NR1I2: variants seen among roughly 807,000 people sequenced by gnomAD.
The protein encoded by NR1I2 is nuclear receptor subfamily 1 group I member 2, also known as orphan nuclear receptor PAR1.
In NR1I2, 42 loss-of-function variants were observed where a neutral mutation model predicts 43.3. The ratio of observed to expected loss-of-function variants is 0.97; its 90% CI spans 0.76 to 1.26. The LOEUF (loss-of-function observed/expected upper bound fraction) is 1.26. Ranked by LOEUF, NR1I2 falls within the 50% of genes most tolerant of loss-of-function variation. NR1I2 has a pLI of 0.00. For synonymous variants in NR1I2, 229 were observed against 215.0 expected (o/e 1.06, Z -0.57); for missense variants, 559 against 566.7 (o/e 0.99, Z 0.14).
intron 5 of NR1I2, among the ~76,000 whole-genome samples, chr3:119,813,727 A>G (rs867669797): frequency 6.6e-6 from 1 of 152,104 alleles, no homozygotes; most frequent in Non-Finnish European, 1.5e-5. Context: ...TAATGGGGTG[A>G]TGCTGACAGC....
At chr3:119,799,524 A>T (rs2055047272) in intron 1 of NR1I2, among the ~76,000 whole-genome samples, 1 of 152,148 alleles carries the variant, frequency 6.6e-6, no homozygotes, top group Non-Finnish European at 1.5e-5. Flanking sequence ...AACATTTTCA[A>T]TTTCAATGAA....
intron 3 of NR1I2, 199 bp from the exon 4 acceptor site, chr3:119,811,340 T>C (rs997189555): frequency 2.2e-5 from 13 of 590,750 alleles, no homozygotes; most frequent in African/African-American, 5.6e-5. Flanking sequence ...CCTCACCTCA[T>C]CTCTGTCCTC....
At chr3:119,796,445 T>C (rs2055000329) in intron 1 of NR1I2, among the ~76,000 whole-genome samples, 1 of 152,336 alleles carries the variant, frequency 6.6e-6, no homozygotes, top group Non-Finnish European at 1.5e-5. Context: ...TAATCCTCAA[T>C]GCTGCTTCGC....
intron 1 of NR1I2, among the ~76,000 whole-genome samples, chr3:119,785,227 G>A (rs1393386122): frequency 2.0e-5 from 3 of 152,178 alleles, no homozygotes; most frequent in Non-Finnish European, 4.4e-5. Context: ...AGGAATTCTT[G>A]TCATGTTCCT....
At chr3:119,798,781 C>T (rs369461112) in intron 1 of NR1I2, among the ~76,000 whole-genome samples, 2 of 152,256 alleles carry the variant, frequency 1.3e-5, no homozygotes, top group South Asian at 2.1e-4. Flanking sequence ...TTAATATAAG[C>T]GGAACTATAC....
chr3:119,798,632 T>C, intron 1 of NR1I2, among the ~76,000 whole-genome samples: 2 of 100,986 alleles, frequency 2.0e-5, no homozygotes, highest in African/African-American at 4.6e-5. Flanking sequence ...AAAGAGAGAC[T>C]CCGTCTCAAA....
chr3:119,797,203 T>TGTGCGC (rs1553717391), intron 1 of NR1I2, among the ~76,000 whole-genome samples: 1 of 151,700 alleles, frequency 6.6e-6, no homozygotes. Context: ...TGTGTGTGTG[T>TGTGCGC]GTGTGTGTGT....
chr3:119,797,132 C>G (rs2055011019), intron 1 of NR1I2, among the ~76,000 whole-genome samples: 1 of 151,714 alleles, frequency 6.6e-6, no homozygotes, highest in Non-Finnish European at 1.5e-5. Flanking sequence ...CCTCCCTTCT[C>G]CCTTTAATAG....
At chr3:119,807,551 G>T in intron 2 of NR1I2, 104 bp downstream of exon 2, 1 of 977,428 alleles carries the variant, frequency 1.0e-6, no homozygotes, top group Non-Finnish European at 1.6e-6. Flanking sequence ...GTGTGGGCTG[G>T]TGGCCCACCC....
chr3:119,791,935 T>C (rs2054924513), intron 1 of NR1I2: 3 of 663,630 alleles, frequency 4.5e-6, no homozygotes, highest in African/African-American at 1.8e-5. Context: ...ACTGTCATCT[T>C]TGACCGATTC....
At position 119,786,303 on chromosome 3, in the gene NR1I2, G is replaced by A. The variant is rs535444329; in HGVS notation, c.-23+4003G>A. 1.3e-4 allele frequency among the ~76,000 whole-genome samples: 20 copies of A among 152,318 alleles called. No homozygotes were observed. The South Asian group carries it at 3.9e-3, about 30-fold the overall frequency. ...CCTGGGCACAACCTGGGGAGGACAG[G>A]AGGAATGTGTAGGGAACCTCTCTTG... is the stretch of plus-strand genomic sequence containing the variant. On this transcript the variant is annotated intron_variant, in intron 1 of 8. Transcript: ENST00000393716.
chr3:119,784,617 A>G (rs927422756), intron 1 of NR1I2, among the ~76,000 whole-genome samples: 2 of 152,138 alleles, frequency 1.3e-5, no homozygotes, highest in Admixed American at 6.6e-5. Context: ...AGATTTCTCA[A>G]CTTCCAAAAT....
intron 1 of NR1I2, among the ~76,000 whole-genome samples, chr3:119,793,901 G>A (rs2054957076): frequency 6.6e-6 from 1 of 152,144 alleles, no homozygotes; most frequent in South Asian, 2.1e-4. Context: ...TGAATTCTGT[G>A]ATGTTGTTAC....
Position 119,795,106 on chromosome 3 carries a change from G to A in NR1I2, c.-22-12123G>A, listed in dbSNP as rs376532110. Among the ~76,000 whole-genome samples, 9 of 152,320 alleles carry A rather than the reference G, an allele frequency of 5.9e-5. No individual in the cohort carries two copies. The South Asian group carries it at 1.5e-3, about 25-fold the overall frequency. On this transcript the variant is annotated intron_variant, in intron 1 of 8. Coordinates refer to ENST00000393716, the MANE Select transcript of NR1I2 (RefSeq NM_003889.4). ...TCTTCCAAACACCACTAGCTGGGGA[G>A]TTGGCTCTTGGCTGGGGTTGGTCAG...
At chr3:119,803,715 C>T (rs1291344656) in intron 1 of NR1I2, among the ~76,000 whole-genome samples, 1 of 152,046 alleles carries the variant, frequency 6.6e-6, no homozygotes, top group Admixed American at 6.5e-5. Context: ...TAATCCTGAA[C>T]CTAAGATTGC....
Position 119,817,668 on chromosome 3 carries a change from C to T in NR1I2, c.*456C>T. The T allele has an allele frequency of 8.9e-7, 1 of 1,117,820 alleles. No homozygotes were observed. The highest frequency in any genetic ancestry group is 1.1e-6 in the Non-Finnish European group (1 of 905,854). 69.2% of individuals were successfully genotyped at this position (1,117,820 alleles called of 1,614,324 possible). A position where few individuals can be genotyped will look rare whatever the true frequency, so the allele number is the denominator to read the frequency against. ...CTACCTCTAATAGTCCTGTCTCCCA[C>T]TTCCCACTCGTTCCCCTCCTCTTCC... On this transcript the variant is annotated 3_prime_UTR_variant, in exon 9 of 9. Transcript: ENST00000393716.
At chr3:119,782,672 C>A in intron 1 of NR1I2, 1 of 960,872 alleles carries the variant, frequency 1.0e-6, no homozygotes, top group Non-Finnish European at 1.7e-6. Context: ...GAGCTGGGGA[C>A]TATGGGAACT....
intron 1 of NR1I2, among the ~76,000 whole-genome samples, chr3:119,802,508 C>T (rs1275356793): frequency 6.6e-6 from 1 of 152,186 alleles, no homozygotes. Context: ...CAGCATCTCA[C>T]CATCTTCAAT....
chr3:119,813,042 G>A, intron 5 of NR1I2, 82 bp downstream of exon 5: 1 of 1,451,130 alleles, frequency 6.9e-7, no homozygotes, highest in East Asian at 2.3e-5. Context: ...GGTAGATCCT[G>A]AATTTGGGGG....
Sources: gnomAD v4.1 joint callset for allele counts (sites outside exome capture counted in the v4.1 genomes callset) on GRCh38, gnomAD v4.1.1 for gene constraint, MANE v1.5 for transcripts, NCBI Gene and HGNC (gene_info 2026-07-23, HGNC 2026-07-21) for gene names.